Variants in TMEM132B observed in about 807,000 individuals in gnomAD.
TMEM132B encodes transmembrane protein 132B.
Under a neutral mutation model 90.8 loss-of-function variants are expected in TMEM132B, and 18 were observed. The observed-to-expected ratio is 0.20, with a 90% CI of 0.14 to 0.29. TMEM132B has a LOEUF of 0.29. Ranked by LOEUF, TMEM132B falls within the 10% of genes least tolerant of loss-of-function variation. The pLI, the probability that TMEM132B is intolerant of heterozygous loss-of-function variation, is 1.00. For synonymous variants in TMEM132B, 504 were observed against 523.3 expected (o/e 0.96, Z 0.50); for missense variants, 1,096 against 1,326.8 (o/e 0.83, Z 2.70).
chr12:125,571,490 C>G (rs952231635), intron 4 of TMEM132B, among the ~76,000 whole-genome samples: 5 of 152,150 alleles, frequency 3.3e-5, no homozygotes, highest in African/African-American at 9.7e-5. Flanking sequence ...ATGTAAATAA[C>G]TTGGCACAGT....
intron 1 of TMEM132B, among the ~76,000 whole-genome samples, chr12:125,280,556 C>T (rs1457503024): frequency 6.6e-6 from 1 of 152,186 alleles, no homozygotes; most frequent in Non-Finnish European, 1.5e-5. Context: ...TCCCTGCCTC[C>T]CTCCCCTGGA....
At chr12:125,601,918 A>T (rs1450177442) in intron 5 of TMEM132B, among the ~76,000 whole-genome samples, 1 of 152,252 alleles carries the variant, frequency 6.6e-6, no homozygotes, top group Non-Finnish European at 1.5e-5. Flanking sequence ...ACCAGAAAGA[A>T]GTCAAATCCC....
intron 1 of TMEM132B, among the ~76,000 whole-genome samples, chr12:125,192,484 C>G (rs1402025342): frequency 6.6e-6 from 1 of 152,156 alleles, no homozygotes; most frequent in Non-Finnish European, 1.5e-5. Context: ...TCCCCCAACC[C>G]CCATTTATTT....
chr12:125,555,722 AT>A (rs1019735086), intron 4 of TMEM132B, among the ~76,000 whole-genome samples: 2,690 of 147,040 alleles, frequency 0.018, 50 homozygotes, highest in African/African-American at 0.053. Flanking sequence ...GTAAAAAAAA[AT>A]ATATATATAT....
At chr12:125,360,358 A>G (rs1877921149) in intron 2 of TMEM132B, among the ~76,000 whole-genome samples, 1 of 152,254 alleles carries the variant, frequency 6.6e-6, no homozygotes, top group Non-Finnish European at 1.5e-5. Context: ...ACAGTCTGAA[A>G]CAACCTCTCC....
intron 1 of TMEM132B, among the ~76,000 whole-genome samples, chr12:125,202,467 A>G (rs1163795448): frequency 6.6e-6 from 1 of 152,204 alleles, no homozygotes; most frequent in Non-Finnish European, 1.5e-5. Flanking sequence ...GGACTGGGGA[A>G]TGATCTGCTG....
intron 3 of TMEM132B, among the ~76,000 whole-genome samples, chr12:125,514,873 G>A (rs977658162): frequency 1.3e-5 from 2 of 152,240 alleles, no homozygotes; most frequent in Middle Eastern, 3.4e-3. Flanking sequence ...GCTGCCCTGT[G>A]TCTTCTCCTC....
At chr12:125,582,973 A>C (rs1885089311) in intron 4 of TMEM132B, among the ~76,000 whole-genome samples, 1 of 151,738 alleles carries the variant, frequency 6.6e-6, no homozygotes, top group South Asian at 2.1e-4. Context: ...TTCCATGTCC[A>C]TGAGTTTGGA....
At chr12:125,633,214 T>TTCA (rs1418955933) in intron 5 of TMEM132B, among the ~76,000 whole-genome samples, 2 of 152,232 alleles carry the variant, frequency 1.3e-5, no homozygotes, top group African/African-American at 4.8e-5. Flanking sequence ...AGTAAGTGAC[T>TTCA]GGTGCGTTCT....
At chr12:125,364,626 C>T (rs554680432) in intron 2 of TMEM132B, among the ~76,000 whole-genome samples, 20 of 152,094 alleles carry the variant, frequency 1.3e-4, no homozygotes, top group South Asian at 8.3e-4. Flanking sequence ...TTGGGTCTTC[C>T]GATATAAGAA....
intron 5 of TMEM132B, among the ~76,000 whole-genome samples, chr12:125,605,502 T>A (rs1885672119): frequency 6.6e-6 from 1 of 152,164 alleles, no homozygotes; most frequent in African/African-American, 2.4e-5. Context: ...GAGACAGGCC[T>A]GGTTACCTGT....
At chr12:125,230,306 G>A (rs1873788458) in intron 1 of TMEM132B, among the ~76,000 whole-genome samples, 1 of 152,286 alleles carries the variant, frequency 6.6e-6, no homozygotes, top group South Asian at 2.1e-4. Flanking sequence ...GGAGGGGTGT[G>A]TTGGCTTCTC....
chr12:125,571,181 G>T (rs1279715837), intron 4 of TMEM132B, among the ~76,000 whole-genome samples: 2 of 152,196 alleles, frequency 1.3e-5, no homozygotes, highest in Non-Finnish European at 2.9e-5. Flanking sequence ...CGGGATCGGG[G>T]ACTCTGGTGT....
chr12:125,531,288 T>G (rs1883640324), intron 4 of TMEM132B, among the ~76,000 whole-genome samples: 1 of 152,198 alleles, frequency 6.6e-6, no homozygotes, highest in Non-Finnish European at 1.5e-5. Context: ...AAGGCTCAAG[T>G]GATCTTCCCA....
At chr12:125,425,963 A>G (rs1044166669) in intron 3 of TMEM132B, among the ~76,000 whole-genome samples, 1 of 152,260 alleles carries the variant, frequency 6.6e-6, no homozygotes, top group Non-Finnish European at 1.5e-5. Flanking sequence ...GATAAGTGCC[A>G]AGGAGCGCAA....
chr12:125,649,771 C>T (rs1886859507), intron 6 of TMEM132B, among the ~76,000 whole-genome samples: 1 of 152,134 alleles, frequency 6.6e-6, no homozygotes, highest in African/African-American at 2.4e-5. Context: ...TAAAGGGACA[C>T]AGGACTGCTA....
At position 125,654,367 on chromosome 12, in the gene TMEM132B, C is replaced by T. The variant is rs1887007650; in HGVS notation, c.2909C>T (p.Ser970Leu). The T allele has an allele frequency of 1.9e-6, 3 of 1,612,862 alleles. No individual in the cohort carries two copies. The highest frequency in any genetic ancestry group is 1.7e-5 in the Admixed American group (1 of 60,010). Residue 970 changes from serine (S) to leucine (L), a missense_variant, in exon 9 of 9, where the codon TCA becomes TTA. Physicochemically the swap from Ser to Leu is moderately radical, Grantham distance 145 (BLOSUM62 -2). Coordinates refer to ENST00000682704, the MANE Select transcript of TMEM132B (RefSeq NM_001366854.1). The surrounding 1 kb of genome is among the most constrained non-coding windows in gnomAD (Gnocchi z 5.8). ...AACCCTGTTGACATTACACTCCCATCAGAGGAGTGCACAACCATGATAGAC... is the reference window on the plus strand; with the variant it reads ...AACCCTGTTGACATTACACTCCCATTAGAGGAGTGCACAACCATGATAGAC... ...LENPVDITLP[S>L]EECTTMIDRG...
intron 4 of TMEM132B, among the ~76,000 whole-genome samples, chr12:125,557,713 T>C (rs937763293): frequency 1.4e-3 from 202 of 149,322 alleles, no homozygotes; most frequent in Non-Finnish European, 2.3e-3. Flanking sequence ...TAAAAAAAAA[T>C]AGGTAAGTAA....
intron 3 of TMEM132B, among the ~76,000 whole-genome samples, chr12:125,518,434 G>T (rs1167350575): frequency 1.3e-5 from 2 of 152,218 alleles, no homozygotes; most frequent in Non-Finnish European, 1.5e-5. Context: ...GGCAGAGAAG[G>T]AGCTGCTGGT....
Sources: allele counts gnomAD v4.1 joint callset (sites outside exome capture counted in the v4.1 genomes callset), GRCh38; gene constraint gnomAD v4.1.1; non-coding constraint Gnocchi (gnomAD v3.1); transcripts MANE v1.5; gene names NCBI Gene and HGNC (gene_info 2026-07-23, HGNC 2026-07-21).